Variants in ATF7 observed in about 807,000 individuals in gnomAD.
ATF7 encodes the protein activating transcription factor 7.
A neutral mutation model predicts 50.4 loss-of-function variants in ATF7; 10 were observed. That is an observed-to-expected ratio of 0.20 (90% CI 0.12 to 0.34). The LOEUF (loss-of-function observed/expected upper bound fraction) is 0.34, where lower values mean the gene tolerates loss of function less well. ATF7 is among the 10% of genes least tolerant of loss of function. The probability of loss-of-function intolerance (pLI) is 1.00; values close to 1 mark genes in which losing one functional copy is unlikely to be tolerated. For synonymous variants in ATF7, 201 were observed against 226.4 expected, an observed-to-expected ratio of 0.89 and a Z score of 1.01; for missense variants, 465 against 613.9, an observed-to-expected ratio of 0.76 and a Z score of 2.56.
rs1156451131 is a variant in ATF7 at position 53,514,320 on chromosome 12, A to G, written c.*2817T>C. 1 of 152,056 alleles carries G rather than the reference A, an allele frequency of 6.6e-6. No homozygotes were observed. Among genetic ancestry groups the G allele is most frequent in the African/African-American group, 2.4e-5 (1 of 41,390 alleles). 9.4% of individuals were successfully genotyped at this position (152,056 alleles called of 1,614,324 possible). A position where few individuals can be genotyped will look rare whatever the true frequency, so the allele number is the denominator to read the frequency against. On this transcript the variant is annotated 3_prime_UTR_variant, in exon 12 of 12. Coordinates refer to ENST00000420353, the MANE Select transcript of ATF7 (RefSeq NM_006856.3). The stretch of plus-strand genomic sequence containing the variant: ...AACGAATTCAGGACACCCACCATAC[A>G]CTCAGCTCCTTTCTGAAAGTGTCCT...
At chr12:53,601,087 G>T (rs1333718575) in intron 1 of ATF7, 66 bp from the exon 2 acceptor site, 2 of 1,073,284 alleles carry the variant, frequency 1.9e-6, no homozygotes, top group Non-Finnish European at 1.4e-6. Context: ...AAAAAAAAGT[G>T]CTTCAAAAAT....
intron 3 of ATF7, among the ~76,000 whole-genome samples, chr12:53,545,024 T>C (rs12316789): frequency 0.48 from 73,015 of 151,882 alleles, 17,697 homozygotes; most frequent in East Asian, 0.74. Context: ...AGTACTTTAG[T>C]AAGGGCATAC....
intron 2 of ATF7, among the ~76,000 whole-genome samples, chr12:53,559,505 CCT>C (rs1475029803): frequency 6.6e-6 from 1 of 151,896 alleles, no homozygotes; most frequent in Non-Finnish European, 1.5e-5. Context: ...ACGGTGAAAC[CCT>C]GTCTCTACAA....
At chr12:53,534,769 T>C in intron 5 of ATF7, 110 bp from the exon 6 acceptor site, 1 of 1,221,492 alleles carries the variant, frequency 8.2e-7, no homozygotes, top group Non-Finnish European at 1.1e-6. Flanking sequence ...TTAGAGCCAC[T>C]CATTAAATCA....
At position 53,517,365 on chromosome 12, in the gene ATF7, G is replaced by A. The variant is rs1937772917; in HGVS notation, c.1235-11C>T. ...TTTCCTTGGGGCTTTCTGCCAGGAAGGAGGGCAAAGAGCAGAGAGCAATTG... is the reference window on the plus strand; with the variant it reads ...TTTCCTTGGGGCTTTCTGCCAGGAAAGAGGGCAAAGAGCAGAGAGCAATTG... On this transcript the variant is annotated splice_polypyrimidine_tract_variant and intron_variant, in intron 11 of 11. Transcript: ENST00000420353. 1 of 1,609,410 alleles carries A rather than the reference G, an allele frequency of 6.2e-7. No homozygotes were observed. Among genetic ancestry groups the A allele is most frequent in the Admixed American group, 1.7e-5 (1 of 59,004 alleles).
At chr12:53,541,721 C>T (rs887816611) in intron 4 of ATF7, among the ~76,000 whole-genome samples, 1 of 152,156 alleles carries the variant, frequency 6.6e-6, no homozygotes. Flanking sequence ...CCTACTTCTC[C>T]CTTTAGACCA....
intron 3 of ATF7, among the ~76,000 whole-genome samples, chr12:53,545,579 G>C (rs905500755): frequency 6.6e-6 from 1 of 151,988 alleles, no homozygotes; most frequent in Admixed American, 6.6e-5. Flanking sequence ...CAGGTGATCT[G>C]CTCTCCTCGG....
intron 9 of ATF7, among the ~76,000 whole-genome samples, chr12:53,530,655 T>A (rs1309230466): frequency 6.6e-6 from 1 of 152,210 alleles, no homozygotes; most frequent in Non-Finnish European, 1.5e-5. Flanking sequence ...TCACCCAGGC[T>A]GGAGTGCAGT....
intron 1 of ATF7, among the ~76,000 whole-genome samples, chr12:53,609,027 A>G (rs1181048472): frequency 6.6e-6 from 1 of 152,222 alleles, no homozygotes; most frequent in Non-Finnish European, 1.5e-5. Flanking sequence ...TTCATAGGCC[A>G]GGTGCCATGG....
Position 53,586,148 on chromosome 12 carries a change from C to T in ATF7, c.48+14805G>A, listed in dbSNP as rs138987777. Among the ~76,000 whole-genome samples the T allele has an allele frequency of 3.4e-3, 511 of 152,128 alleles. 2 individuals carry two copies. Among genetic ancestry groups the T allele is most frequent in the Non-Finnish European group, 5.5e-3 (371 of 67,996 alleles). On this transcript the variant is annotated intron_variant, in intron 2 of 11. Transcript: ENST00000420353. Reference sequence around the variant, plus strand: ...ACTATTGCAATTATCTAGGTAAAGCCTAGAAGGAAAGAACAGGAAAGACTG... The same window carrying T: ...ACTATTGCAATTATCTAGGTAAAGCTTAGAAGGAAAGAACAGGAAAGACTG...
At chr12:53,560,158 A>G (rs1565953818) in intron 2 of ATF7, among the ~76,000 whole-genome samples, 1 of 151,918 alleles carries the variant, frequency 6.6e-6, no homozygotes, top group Admixed American at 6.6e-5. Flanking sequence ...TCCTGACCTC[A>G]TGATCCACCC....
At chr12:53,609,648 A>G (rs1943766163) in intron 1 of ATF7, among the ~76,000 whole-genome samples, 1 of 151,824 alleles carries the variant, frequency 6.6e-6, no homozygotes, top group African/African-American at 2.4e-5. Flanking sequence ...TCTTAAAAAA[A>G]AAAAAAAAAG....
In ATF7 at chr12:53,524,393, A is replaced by G. The variant is rs1938314899; in HGVS notation, c.1125+171T>C. On this transcript the variant is annotated intron_variant, in intron 10 of 11. Transcript: ENST00000420353. This position sits in a 1 kb window ranked among gnomAD's most constrained non-coding sequence, Gnocchi z 4.6. ...GGGTAGATGGTGAGTGTCTTCACCA[A>G]TACCTATGAAAGAGATTTCAACTCT... 1.3e-5 allele frequency among the ~76,000 whole-genome samples: 2 copies of G among 152,214 alleles called. No individual in the cohort carries two copies. The highest frequency in any genetic ancestry group is 2.9e-5 in the Non-Finnish European group (2 of 68,038).
At chr12:53,607,081 A>G (rs1943646394) in intron 1 of ATF7, among the ~76,000 whole-genome samples, 1 of 152,170 alleles carries the variant, frequency 6.6e-6, no homozygotes, top group Non-Finnish European at 1.5e-5. Flanking sequence ...TATATCCAGT[A>G]ATGGGATGGC....
rs540943758 is a variant in ATF7 at position 53,512,762 on chromosome 12, G to A, written c.*4375C>T. On this transcript the variant is annotated 3_prime_UTR_variant, in exon 12 of 12. Coordinates refer to ENST00000420353, the MANE Select transcript of ATF7 (RefSeq NM_006856.3). ...GGGGAAGACTTTAAAGGGAATGGAGGAAGAGACTGAAAGAAATGAAAGCAT... is the reference window on the plus strand; with the variant it reads ...GGGGAAGACTTTAAAGGGAATGGAGAAAGAGACTGAAAGAAATGAAAGCAT... 6.6e-6 allele frequency: 1 copy of A among 152,286 alleles called. No homozygotes were observed. The highest frequency in any genetic ancestry group is 1.9e-4 in the East Asian group (1 of 5,190). 9.4% of individuals were successfully genotyped at this position (152,286 alleles called of 1,614,324 possible).
intron 2 of ATF7, among the ~76,000 whole-genome samples, chr12:53,591,583 G>A (rs1942939813): frequency 6.6e-6 from 1 of 152,184 alleles, no homozygotes; most frequent in African/African-American, 2.4e-5. Context: ...TAAGGAATCA[G>A]AGCTTGTCAT....
At chr12:53,543,538 T>G (rs1485612139) in intron 3 of ATF7, 90 bp from the exon 4 acceptor site, 1 of 1,340,124 alleles carries the variant, frequency 7.5e-7, no homozygotes, top group African/African-American at 1.5e-5. Flanking sequence ...GCATTTGTAC[T>G]TTTTGATTTG....
At chr12:53,565,015 G>C (rs1187877421) in intron 2 of ATF7, among the ~76,000 whole-genome samples, 1 of 151,834 alleles carries the variant, frequency 6.6e-6, no homozygotes, top group Non-Finnish European at 1.5e-5. Flanking sequence ...ACATTATACA[G>C]ACCAATGGTA....
At chr12:53,585,549 T>C (rs1942639259) in intron 2 of ATF7, among the ~76,000 whole-genome samples, 1 of 151,980 alleles carries the variant, frequency 6.6e-6, no homozygotes, top group African/African-American at 2.4e-5. Flanking sequence ...AGGAAGAGCA[T>C]AAATGAAAAA....
Sources: gnomAD v4.1 joint callset for allele counts (sites outside exome capture counted in the v4.1 genomes callset) on GRCh38, gnomAD v4.1.1 for gene constraint, Gnocchi (gnomAD v3.1) non-coding constraint, MANE v1.5 for transcripts, NCBI Gene and HGNC (gene_info 2026-07-23, HGNC 2026-07-21) for gene names.